Variants in WDFY4 observed in about 807,000 individuals in gnomAD.
WDFY4 encodes WDFY family member 4, also known as WD repeat- and FYVE domain-containing protein 4.
A neutral mutation model predicts 351.9 loss-of-function variants in WDFY4; 169 were observed. That is an observed-to-expected ratio of 0.48 (90% CI 0.42 to 0.55). WDFY4 has a LOEUF of 0.55. WDFY4 is among the 20% of genes least tolerant of loss of function. WDFY4 has a pLI of 0.00. For synonymous variants in WDFY4, 1,622 were observed against 1,574.6 expected (o/e 1.03, Z -0.71); for missense variants, 3,803 against 3,935.6 (o/e 0.97, Z 0.90).
chr10:48,901,955 G>A (rs779919352), intron 47 of WDFY4, 92 bp downstream of exon 47: 3 of 1,177,896 alleles, frequency 2.5e-6, no homozygotes, highest in Non-Finnish European at 3.7e-6. Context: ...AAGTCTTGCA[G>A]AGAGCATGCC....
intron 1 of WDFY4, among the ~76,000 whole-genome samples, chr10:48,706,168 A>G (rs1178481324): frequency 6.6e-6 from 1 of 152,262 alleles, no homozygotes; most frequent in Non-Finnish European, 1.5e-5. Context: ...GGGTGCCATC[A>G]GCACGTAGGT....
intron 2 of WDFY4, among the ~76,000 whole-genome samples, chr10:48,710,419 A>C (rs903834797): frequency 4.6e-5 from 7 of 152,218 alleles, no homozygotes; most frequent in Admixed American, 3.9e-4. Flanking sequence ...AATTTTGGGG[A>C]GACCCTAGCG....
At chr10:48,982,169 C>G (rs1050289850) in intron 61 of WDFY4, among the ~76,000 whole-genome samples, 1 of 152,330 alleles carries the variant, frequency 6.6e-6, no homozygotes, top group Admixed American at 6.5e-5. Context: ...TTGCAGAGAA[C>G]TTGCCATTTG....
chr10:48,746,725 A>G (rs2065026146), intron 12 of WDFY4, among the ~76,000 whole-genome samples: 1 of 152,206 alleles, frequency 6.6e-6, no homozygotes, highest in Non-Finnish European at 1.5e-5. Context: ...ATTTTATAGT[A>G]GTTGCCCTAG....
chr10:48,780,284 G>T (rs1380821029), intron 19 of WDFY4, among the ~76,000 whole-genome samples, 165 bp downstream of exon 19: 2 of 152,206 alleles, frequency 1.3e-5, no homozygotes. Flanking sequence ...AGGAAACTTG[G>T]CTGAGTTCAG....
intron 12 of WDFY4, among the ~76,000 whole-genome samples, chr10:48,752,470 T>C (rs2132472905): frequency 6.6e-6 from 1 of 152,366 alleles, no homozygotes; most frequent in Non-Finnish European, 1.5e-5. Flanking sequence ...ATTCACAGTG[T>C]TGTGCAAAGA....
In WDFY4 at chr10:48,768,856, CTT is replaced by C. The variant is rs376501728; in HGVS notation, c.2554-5601_2554-5600del. On this transcript the variant is annotated intron_variant, in intron 13 of 61. Transcript: ENST00000325239. ...GGATGAAGGGACACGTGACTTGCCTCTTGAGTAATAAGCAGGAGCTCAGCAAA... is the reference window on the plus strand; with the variant it reads ...GGATGAAGGGACACGTGACTTGCCTCGAGTAATAAGCAGGAGCTCAGCAAA... 5.3e-4 allele frequency among the ~76,000 whole-genome samples: 80 copies of C among 152,158 alleles called. No individual in the cohort carries two copies. In the South Asian group the frequency reaches 5.6e-3, roughly 11 times the overall value.
chr10:48,970,063 G>A lies in WDFY4; in HGVS notation c.8770-68G>A, dbSNP rs950869587. ...CACTCAGACTGGCCCACATACCCCC[G>A]TGACTCTATCCTGGGCTCCTGTCCC... is the stretch of plus-strand genomic sequence containing the variant. On this transcript the variant is annotated intron_variant, in intron 56 of 61. Transcript: ENST00000325239. 37 of 1,510,708 alleles carry A rather than the reference G, an allele frequency of 2.4e-5. No homozygotes were observed. In the South Asian group the frequency reaches 3.2e-4, roughly 13 times the overall value. 93.6% of individuals were successfully genotyped at this position (1,510,708 alleles called of 1,614,324 possible).
chr10:48,873,912 G>A (rs1264564603), intron 41 of WDFY4, among the ~76,000 whole-genome samples: 1 of 152,186 alleles, frequency 6.6e-6, no homozygotes, highest in East Asian at 1.9e-4. Context: ...TGTAACTACA[G>A]CCTGCATGAA....
chr10:48,747,447 C>G (rs999090638), intron 12 of WDFY4, among the ~76,000 whole-genome samples: 2 of 152,034 alleles, frequency 1.3e-5, no homozygotes, highest in Admixed American at 1.3e-4. Flanking sequence ...ATCCCTTTTC[C>G]TATTATGCCT....
At chr10:48,849,590 G>A (rs1003623423) in intron 39 of WDFY4, among the ~76,000 whole-genome samples, 6 of 152,340 alleles carry the variant, frequency 3.9e-5, no homozygotes, top group African/African-American at 1.4e-4. Context: ...CAGGTTCACA[G>A]TGGGGGTTAG....
intron 39 of WDFY4, among the ~76,000 whole-genome samples, chr10:48,855,483 T>C (rs922052086): frequency 1.3e-5 from 2 of 152,184 alleles, no homozygotes; most frequent in Admixed American, 6.5e-5. Flanking sequence ...TAGTGGTTCA[T>C]TTGTTTTCAC....
intron 57 of WDFY4, among the ~76,000 whole-genome samples, chr10:48,971,430 A>G (rs181755194): frequency 3.9e-5 from 6 of 151,910 alleles, no homozygotes; most frequent in African/African-American, 1.2e-4. Flanking sequence ...CGGGAGGCGG[A>G]GCTTGCAGTG....
intron 44 of WDFY4, among the ~76,000 whole-genome samples, chr10:48,895,031 C>T (rs572641370): frequency 6.6e-5 from 10 of 152,316 alleles, no homozygotes; most frequent in Admixed American, 2.6e-4. Flanking sequence ...TACCACAATG[C>T]GGCTTAGAGG....
intron 32 of WDFY4, 92 bp downstream of exon 32, chr10:48,817,501 A>G: frequency 1.4e-6 from 2 of 1,392,674 alleles, no homozygotes; most frequent in Non-Finnish European, 1.9e-6. Context: ...CTCCCCCCTA[A>G]AATTAAAATA....
intron 19 of WDFY4, among the ~76,000 whole-genome samples, chr10:48,784,853 T>TC (rs1233639617): frequency 1.0e-5 from 1 of 100,318 alleles, no homozygotes; most frequent in Admixed American, 9.0e-5. Flanking sequence ...TCGTTTACTT[T>TC]TTTTTTTTTT....
At chr10:48,913,333 A>G in intron 47 of WDFY4, 1 of 1,526,204 alleles carries the variant, frequency 6.6e-7, no homozygotes, top group Non-Finnish European at 8.9e-7. Context: ...GAGGTAGCCC[A>G]CTGCCCTCTT....
chr10:48,805,339 C>G lies in WDFY4; in HGVS notation c.4564C>G (p.Leu1522Val). 4.5e-6 allele frequency: 7 copies of G among 1,549,082 alleles called. No individual in the cohort carries two copies. Among genetic ancestry groups the G allele is most frequent in the Non-Finnish European group, 6.1e-6 (7 of 1,146,878 alleles). Residue 1522 changes from leucine (L) to valine (V), a missense_variant, in exon 26 of 62, where the codon CTC (leucine) becomes GTC (valine). Leu to Val is a conservative substitution (Grantham distance 32). Coordinates refer to ENST00000325239, the MANE Select transcript of WDFY4 (RefSeq NM_001394531.1). ...KLIFLFNEPS[L>V]IPSKISTIIG... Reference sequence around the variant, plus strand: ...CATCTTCCTATTCAATGAGCCGAGCCTCATCCCCTCCAAGATCTCCACCAT... The same window carrying G: ...CATCTTCCTATTCAATGAGCCGAGCGTCATCCCCTCCAAGATCTCCACCAT...
chr10:48,690,134 C>G (rs917538671), intron 1 of WDFY4, among the ~76,000 whole-genome samples: 1 of 152,214 alleles, frequency 6.6e-6, no homozygotes, highest in Non-Finnish European at 1.5e-5. Context: ...TCATAGGAAA[C>G]AAAATCATTG....
Sources: allele counts gnomAD v4.1 joint callset (sites outside exome capture counted in the v4.1 genomes callset), GRCh38; gene constraint gnomAD v4.1.1; transcripts MANE v1.5; gene names NCBI Gene and HGNC (gene_info 2026-07-23, HGNC 2026-07-21).